WWP1: variants seen among roughly 807,000 people sequenced by gnomAD.
The protein encoded by WWP1 is WW domain containing E3 ubiquitin protein ligase 1, also known as NEDD4-like E3 ubiquitin-protein ligase WWP1.
A neutral mutation model predicts 130.6 loss-of-function variants in WWP1; 49 were observed. That is an observed-to-expected ratio of 0.38 (90% CI 0.30 to 0.48). The LOEUF is 0.48. WWP1 is among the 20% of genes least tolerant of loss of function. WWP1 has a pLI of 0.99. For synonymous variants in WWP1, 332 were observed against 367.8 expected (o/e 0.90, Z 1.11); for missense variants, 809 against 1,100.6 (o/e 0.74, Z 3.75).
chr8:86,361,283 G>A (rs1047566063), intron 1 of WWP1, among the ~76,000 whole-genome samples: 2 of 152,062 alleles, frequency 1.3e-5, no homozygotes, highest in East Asian at 3.9e-4. Flanking sequence ...CAGAAATCTG[G>A]GACATATTAA....
At chr8:86,412,259 C>A (rs950693900) in intron 9 of WWP1, among the ~76,000 whole-genome samples, 5 of 152,162 alleles carry the variant, frequency 3.3e-5, no homozygotes, top group African/African-American at 1.2e-4. Context: ...CTCTTCTTTT[C>A]CTCAGCTAAT....
intron 18 of WWP1, 103 bp downstream of exon 18, chr8:86,442,881 C>A: frequency 1.6e-6 from 2 of 1,250,052 alleles, no homozygotes; most frequent in Non-Finnish European, 2.1e-6. Flanking sequence ...TTGCTATTCA[C>A]AAGTTTTGTT....
intron 9 of WWP1, among the ~76,000 whole-genome samples, chr8:86,414,123 C>T (rs895678386): frequency 6.6e-6 from 1 of 152,038 alleles, no homozygotes; most frequent in African/African-American, 2.4e-5. Flanking sequence ...TTATGACCAG[C>T]ATTTGAACAC....
At chr8:86,383,597 C>T (rs1825110341) in intron 5 of WWP1, among the ~76,000 whole-genome samples, 1 of 152,056 alleles carries the variant, frequency 6.6e-6, no homozygotes, top group Admixed American at 6.6e-5. Flanking sequence ...CAAAAATTAG[C>T]TGAGTGTGGT....
intron 1 of WWP1, among the ~76,000 whole-genome samples, chr8:86,362,035 CACAT>C (rs1434608856): frequency 8.2e-5 from 11 of 134,606 alleles, no homozygotes; most frequent in African/African-American, 2.3e-4. Context: ...TATATACACA[CACAT>C]ATATATACAC....
chr8:86,360,194 C>T (rs1468238165), intron 1 of WWP1, among the ~76,000 whole-genome samples: 4 of 151,892 alleles, frequency 2.6e-5, no homozygotes, highest in African/African-American at 7.3e-5. Context: ...ATCTTTTACG[C>T]TTATGTTTCT....
intron 23 of WWP1, 157 bp downstream of exon 23, chr8:86,461,477 C>T (rs1811763635): frequency 1.5e-6 from 1 of 678,090 alleles, no homozygotes; most frequent in South Asian, 1.9e-5. Context: ...AATATCAAAG[C>T]ACTTGTAAGA....
intron 3 of WWP1, among the ~76,000 whole-genome samples, chr8:86,377,192 T>C (rs1044759482): frequency 1.3e-5 from 2 of 151,992 alleles, no homozygotes; most frequent in Non-Finnish European, 2.9e-5. Flanking sequence ...TTCAAGTGAT[T>C]CTCCTGCATC....
intron 24 of WWP1, among the ~76,000 whole-genome samples, chr8:86,465,839 T>C (rs1198549834): frequency 6.6e-6 from 1 of 152,214 alleles, no homozygotes; most frequent in East Asian, 1.9e-4. Context: ...GCTATTAATA[T>C]CTTTAACTTC....
intron 24 of WWP1, among the ~76,000 whole-genome samples, chr8:86,463,359 T>G (rs1431384855): frequency 6.6e-6 from 1 of 152,060 alleles, no homozygotes; most frequent in Non-Finnish European, 1.5e-5. Context: ...CAGTCTGGAG[T>G]GCAGTGGCAC....
At chr8:86,443,526 C>T (rs1027009350) in intron 18 of WWP1, among the ~76,000 whole-genome samples, 15 of 152,214 alleles carry the variant, frequency 9.9e-5, no homozygotes, top group Middle Eastern at 6.8e-3. Flanking sequence ...ACTTTATTAT[C>T]TATTAATTCA....
chr8:86,442,619 A>G lies in WWP1; in HGVS notation c.1839A>G (p.Arg613=). 2 of 1,589,400 alleles carry G rather than the reference A, an allele frequency of 1.3e-6. No individual in the cohort carries two copies. Among genetic ancestry groups the G allele is most frequent in the Non-Finnish European group, 1.7e-6 (2 of 1,171,128 alleles). The part of the protein sequence containing the change: ...EEGLDYGGLA[R]EWFFLLSHEV... ...ATAACCTTGACTTATTTTCTTATAG[A>G]GAATGGTTTTTCTTGCTTTCACATG... Residue 613 remains arginine, a splice_region_variant and synonymous_variant, in exon 18 of 25, where the codon AGA becomes AGG. Coordinates refer to ENST00000517970, the MANE Select transcript of WWP1 (RefSeq NM_007013.4).
At chr8:86,448,620 C>T (rs1245567271) in intron 20 of WWP1, 107 bp downstream of exon 20, 1 of 1,041,270 alleles carries the variant, frequency 9.6e-7, no homozygotes, top group Non-Finnish European at 1.3e-6. Context: ...GGAAGTTCTT[C>T]TCACCAGTAC....
intron 7 of WWP1, among the ~76,000 whole-genome samples, chr8:86,399,523 T>C (rs1477974911): frequency 6.6e-6 from 1 of 152,232 alleles, no homozygotes; most frequent in Non-Finnish European, 1.5e-5. Context: ...AGTGTGACTT[T>C]TATTAATCTA....
chr8:86,416,786 A>G (rs779948647), intron 9 of WWP1, among the ~76,000 whole-genome samples: 2 of 152,150 alleles, frequency 1.3e-5, no homozygotes, highest in Admixed American at 1.3e-4. Flanking sequence ...AGGGGTGTTC[A>G]TGAATTTTCA....
At chr8:86,392,129 T>C (rs1807382924) in intron 5 of WWP1, among the ~76,000 whole-genome samples, 1 of 152,140 alleles carries the variant, frequency 6.6e-6, no homozygotes, top group South Asian at 2.1e-4. Context: ...TCAAGTCTTT[T>C]AGTGTGTGTG....
At chr8:86,371,963 G>A (rs899022324) in intron 2 of WWP1, among the ~76,000 whole-genome samples, 4 of 148,044 alleles carry the variant, frequency 2.7e-5, no homozygotes, top group Non-Finnish European at 5.9e-5. Flanking sequence ...CTCCCTCAGC[G>A]TCCTGAGTAG....
intron 5 of WWP1, among the ~76,000 whole-genome samples, chr8:86,384,257 G>A (rs896055339): frequency 6.6e-6 from 1 of 151,826 alleles, no homozygotes; most frequent in Non-Finnish European, 1.5e-5. Flanking sequence ...ATTTGGTGGG[G>A]GACACAATTC....
At chr8:86,423,872 C>T (rs1208724184) in intron 9 of WWP1, among the ~76,000 whole-genome samples, 15 of 146,516 alleles carry the variant, frequency 1.0e-4, no homozygotes, top group Non-Finnish European at 2.3e-4. Context: ...ACCTCCCTCC[C>T]GGACGGGGCG....
Sources: gnomAD v4.1 joint callset for allele counts (sites outside exome capture counted in the v4.1 genomes callset) on GRCh38, gnomAD v4.1.1 for gene constraint, MANE v1.5 for transcripts, NCBI Gene and HGNC (gene_info 2026-07-23, HGNC 2026-07-21) for gene names.